Variants in PDE4D observed in about 807,000 individuals in gnomAD.
The protein encoded by PDE4D is 3',5'-cyclic-AMP phosphodiesterase 4D.
A neutral mutation model predicts 87.4 loss-of-function variants in PDE4D; 24 were observed. That is an observed-to-expected ratio of 0.27 (90% CI 0.20 to 0.39). PDE4D has a LOEUF of 0.39. Among genes scored for constraint, PDE4D ranks in the 10% least tolerant of loss-of-function variants. The pLI, the probability that PDE4D is intolerant of heterozygous loss-of-function variation, is 1.00. For synonymous variants in PDE4D, 384 were observed against 383.2 expected (o/e 1.00, Z -0.02); for missense variants, 714 against 1,041.0 (o/e 0.69, Z 4.32).
At chr5:59,497,074 T>C (rs1052063527) in intron 1 of PDE4D, among the ~76,000 whole-genome samples, 2 of 152,004 alleles carry the variant, frequency 1.3e-5, no homozygotes, top group Non-Finnish European at 2.9e-5. Context: ...AAGGAACCCA[T>C]ACAGAGCCTT....
chr5:59,430,313 T>C, intron 1 of PDE4D: 1 of 1,231,346 alleles, frequency 8.1e-7, no homozygotes, highest in Non-Finnish European at 1.0e-6. Context: ...TGTGGCTTAA[T>C]ATCAATTGGC....
intron 2 of PDE4D, among the ~76,000 whole-genome samples, chr5:60,002,713 C>CA (rs1764129411): frequency 6.6e-6 from 1 of 152,192 alleles, no homozygotes; most frequent in Non-Finnish European, 1.5e-5. Flanking sequence ...CAGTGTTTGA[C>CA]AAAATCCAAC....
chr5:60,338,635 G>A (rs1015941207), intron 1 of PDE4D, among the ~76,000 whole-genome samples: 1 of 151,920 alleles, frequency 6.6e-6, no homozygotes, highest in Non-Finnish European at 1.5e-5. Flanking sequence ...CCGTCTCTTT[G>A]GCAGATCCAC....
At chr5:59,381,014 A>G (rs1785706604) in intron 1 of PDE4D, among the ~76,000 whole-genome samples, 1 of 152,144 alleles carries the variant, frequency 6.6e-6, no homozygotes, top group African/African-American at 2.4e-5. Flanking sequence ...AGGCTAAAAT[A>G]TTTACTATCT....
At chr5:60,206,014 A>G (rs890799119) in intron 1 of PDE4D, among the ~76,000 whole-genome samples, 3 of 152,252 alleles carry the variant, frequency 2.0e-5, no homozygotes, top group Admixed American at 1.3e-4. Flanking sequence ...AGGTATCTCC[A>G]GACATGGTAC....
chr5:59,771,202 C>G (rs999764321), intron 1 of PDE4D, among the ~76,000 whole-genome samples: 4 of 150,494 alleles, frequency 2.7e-5, no homozygotes, highest in African/African-American at 9.8e-5. Flanking sequence ...TATATCTGCC[C>G]TTGGGGAGCT....
intron 1 of PDE4D, among the ~76,000 whole-genome samples, chr5:59,890,283 ACACACACACACAC>A (rs1750771533): frequency 6.8e-6 from 1 of 147,816 alleles, no homozygotes; most frequent in South Asian, 2.1e-4. Context: ...ACACACACAC[ACACACACACACAC>A]CTTTTCTTGT....
chr5:59,306,230 A>G (rs531687883), intron 1 of PDE4D, among the ~76,000 whole-genome samples: 41 of 152,226 alleles, frequency 2.7e-4, no homozygotes, highest in African/African-American at 9.6e-4. Context: ...TTTGGTGTCC[A>G]TTTGCATGGA....
At chr5:59,074,199 G>A (rs1765321454) in intron 5 of PDE4D, among the ~76,000 whole-genome samples, 1 of 152,118 alleles carries the variant, frequency 6.6e-6, no homozygotes, top group Admixed American at 6.5e-5. Flanking sequence ...GATTAGTCAA[G>A]AAAGACTTTC....
chr5:60,441,366 G>A (rs1241185724), intron 1 of PDE4D, among the ~76,000 whole-genome samples: 3 of 152,124 alleles, frequency 2.0e-5, no homozygotes, highest in Non-Finnish European at 4.4e-5. Context: ...AAATGGTGTT[G>A]GGAAAACTGG....
intron 5 of PDE4D, among the ~76,000 whole-genome samples, chr5:59,169,709 A>G (rs953081727): frequency 5.9e-5 from 9 of 152,176 alleles, no homozygotes; most frequent in Non-Finnish European, 1.3e-4. Context: ...CCAACAAGCT[A>G]TCATCAACTC....
chr5:59,895,217 G>GA (rs1751502439), upstream of PDE4D, among the ~76,000 whole-genome samples: 1 of 152,206 alleles, frequency 6.6e-6, no homozygotes, highest in Non-Finnish European at 1.5e-5. Context: ...ATGCCACTGG[G>GA]AAAATAATGC....
intron 2 of PDE4D, among the ~76,000 whole-genome samples, chr5:60,009,802 T>G (rs921204475): frequency 6.6e-6 from 1 of 152,144 alleles, no homozygotes; most frequent in Admixed American, 6.6e-5. Context: ...TAAAACTGTT[T>G]AAGCTGATTT....
intron 2 of PDE4D, among the ~76,000 whole-genome samples, chr5:59,997,661 T>C (rs1373323008): frequency 6.6e-6 from 1 of 152,168 alleles, no homozygotes; most frequent in African/African-American, 2.4e-5. Context: ...GATATTCAGA[T>C]AACTACAAAA....
At chr5:59,703,561 G>C (rs749964231) in intron 1 of PDE4D, 5 of 534,156 alleles carry the variant, frequency 9.4e-6, no homozygotes, top group Non-Finnish European at 1.9e-5. Flanking sequence ...ATATTGAAGG[G>C]GGTTCTGGTG....
At chr5:59,448,131 C>G (rs1046662261) in intron 1 of PDE4D, among the ~76,000 whole-genome samples, 12 of 152,302 alleles carry the variant, frequency 7.9e-5, no homozygotes, top group African/African-American at 2.4e-4. Flanking sequence ...TTATTCAAAG[C>G]AGGCTGACAC....
intron 2 of PDE4D, chr5:60,185,453 C>G: frequency 1.6e-6 from 1 of 641,672 alleles, no homozygotes; most frequent in Non-Finnish European, 2.7e-6. Flanking sequence ...CTAAACGTTT[C>G]CCACAAGCCT....
chr5:60,196,834 C>A (rs1369986299), intron 1 of PDE4D, among the ~76,000 whole-genome samples: 3 of 151,434 alleles, frequency 2.0e-5, no homozygotes, highest in Non-Finnish European at 4.4e-5. Context: ...GTAAAATCTG[C>A]TGTCTGAATA....
chr5:60,473,676 G>T (rs983216930), intron 1 of PDE4D, among the ~76,000 whole-genome samples: 3 of 151,958 alleles, frequency 2.0e-5, no homozygotes, highest in Non-Finnish European at 4.4e-5. Context: ...CCACTCCTCA[G>T]ATCCTCTCAC....
Sources: allele counts gnomAD v4.1 joint callset (sites outside exome capture counted in the v4.1 genomes callset), GRCh38; gene constraint gnomAD v4.1.1; transcripts MANE v1.5; gene names NCBI Gene and HGNC (gene_info 2026-07-23, HGNC 2026-07-21).